The following GALC variants were observed in gnomAD, a reference collection of about 807,000 sequenced individuals.
GALC encodes the protein galactosylceramidase.
A neutral mutation model predicts 91.8 loss-of-function variants in GALC; 77 were observed. That is an observed-to-expected ratio of 0.84 (90% CI 0.70 to 1.01). The LOEUF (loss-of-function observed/expected upper bound fraction) is 1.01. Among genes scored for constraint, GALC ranks in the 50% least tolerant of loss-of-function variants. The pLI, the probability that GALC is intolerant of heterozygous loss-of-function variation, is 0.00. For missense variants in GALC, 882 were observed against 855.9 expected (o/e 1.03, Z -0.38); for synonymous variants, 357 against 306.7 (o/e 1.16, Z -1.71).
chr14:87,986,722 C>T (rs1886992035), intron 3 of GALC, 120 bp from the exon 4 acceptor site: 1 of 690,252 alleles, frequency 1.4e-6, no homozygotes, highest in Non-Finnish European at 2.6e-6. Flanking sequence ...CAGTTCTAAT[C>T]CTGAAGTTGG....
At chr14:87,992,174 A>C (rs1887227647) in intron 1 of GALC, 1 of 942,428 alleles carries the variant, frequency 1.1e-6, no homozygotes, top group Non-Finnish European at 1.6e-6. Flanking sequence ...GCTTGTTCTG[A>C]GTTGAATGTA....
Position 87,941,385 on chromosome 14 carries a change from A to AG in GALC, c.1834+9dup. ...GTCATATGCTATTAAAAAAAAAAAA[A>AG]GTCAGTTACCTAAATCACCTGTAAC... On this transcript the variant is annotated intron_variant, in intron 15 of 16. Transcript: ENST00000261304. The AG allele has an allele frequency of 6.4e-7, 1 of 1,552,122 alleles. No individual in the cohort carries two copies. Among genetic ancestry groups the AG allele is most frequent in the African/African-American group, 1.4e-5 (1 of 73,290 alleles).
At chr14:87,948,050 CTAAG>C (rs556592314) in intron 12 of GALC, among the ~76,000 whole-genome samples, 172 bp from the exon 13 acceptor site, 1 of 151,922 alleles carries the variant, frequency 6.6e-6, no homozygotes, top group Non-Finnish European at 1.5e-5. Flanking sequence ...TCTTTTTTTC[CTAAG>C]TATTTTAGAA....
chr14:87,954,127 G>A, intron 10 of GALC: 1 of 1,608,634 alleles, frequency 6.2e-7, no homozygotes, highest in Non-Finnish European at 8.5e-7. Flanking sequence ...GAATATTCCA[G>A]TGTAGTTAGT....
chr14:87,978,647 C>T (rs1197617581), intron 6 of GALC, among the ~76,000 whole-genome samples: 1 of 151,932 alleles, frequency 6.6e-6, no homozygotes, highest in Non-Finnish European at 1.5e-5. Context: ...TAAATAGAAG[C>T]TCTATTTATA....
intron 1 of GALC, among the ~76,000 whole-genome samples, chr14:87,989,248 T>G (rs1887097275): frequency 6.6e-6 from 1 of 152,202 alleles, no homozygotes; most frequent in African/African-American, 2.4e-5. Flanking sequence ...AACCAGACAG[T>G]CCTAGGTTCA....
chr14:87,936,896 C>CCA (rs1555378200), intron 16 of GALC, among the ~76,000 whole-genome samples: 5 of 3,516 alleles, frequency 1.4e-3, no homozygotes, highest in African/African-American at 1.8e-3. Context: ...ATATCAGGTA[C>CCA]TATATATATA....
chr14:87,953,009 A>G, intron 10 of GALC: 1 of 1,095,798 alleles, frequency 9.1e-7, no homozygotes, highest in African/African-American at 1.5e-5. Flanking sequence ...ACAAATGTGC[A>G]GCTATGTTGG....
chr14:87,971,824 G>A (rs1886304109), intron 7 of GALC, among the ~76,000 whole-genome samples: 1 of 152,116 alleles, frequency 6.6e-6, no homozygotes, highest in Non-Finnish European at 1.5e-5. Context: ...ACAATTTCAG[G>A]AGAAGGTAGC....
At chr14:87,962,833 GGCTTCT>G (rs1885865396) in intron 10 of GALC, among the ~76,000 whole-genome samples, 1 of 151,960 alleles carries the variant, frequency 6.6e-6, no homozygotes, top group African/African-American at 2.4e-5. Context: ...TCTCTCCACT[GGCTTCT>G]GCTTCTGCTT....
At chr14:87,992,494 C>A (rs999782935) in intron 1 of GALC, 6 of 1,532,028 alleles carry the variant, frequency 3.9e-6, no homozygotes, top group Non-Finnish European at 4.4e-6. Flanking sequence ...GACTTAACGA[C>A]TCCACCACCC....
Position 87,984,514 on chromosome 14 carries a change from A to G in GALC, c.462T>C (p.Pro154=), listed in dbSNP as rs748295031. ...ITLIGLPWSF[P]GWLGKGFDWP... is the part of the protein sequence containing the mutation. ...AGTCGAAACCTTTTCCCAGCCATCC[A>G]GGGAATGACCATGGCAACCCTGCAG... The change falls in exon 5 of 17, where the codon CCT becomes CCC. Residue 154 remains proline (P), a synonymous_variant. Transcript: ENST00000261304. 2.5e-5 allele frequency: 40 copies of G among 1,614,074 alleles called. No homozygotes were observed. Among genetic ancestry groups the G allele is most frequent in the Non-Finnish European group, 3.0e-5 (35 of 1,180,032 alleles).
Position 87,934,071 on chromosome 14 carries a change from C to G in GALC, c.*661G>C. ...TTGGAATCAAAAAAATTAAATAATGCAAATAACCCAATTAATCTGCTAATA... is the reference window on the plus strand; with the variant it reads ...TTGGAATCAAAAAAATTAAATAATGGAAATAACCCAATTAATCTGCTAATA... On this transcript the variant is annotated 3_prime_UTR_variant, in exon 17 of 17. Transcript: ENST00000261304. 1 of 1,527,392 alleles carries G rather than the reference C, an allele frequency of 6.5e-7. No individual in the cohort carries two copies. Among genetic ancestry groups the G allele is most frequent in the Admixed American group, 2.0e-5 (1 of 50,792 alleles). The allele number at this position is 1,527,392 out of a possible 1,614,324, so 94.6% of individuals were successfully genotyped here.
intron 10 of GALC, chr14:87,952,496 ATATCCTGTTGAGAACCACCCAGCCTAG>A (rs1369517273): frequency 2.9e-5 from 18 of 624,534 alleles, no homozygotes; most frequent in African/African-American, 2.0e-4. Context: ...ACCCTGCCTA[ATATCCTGTTGAGAACCACCCAGCCTAG>A]TATCCTGTTG....
At position 87,934,653 on chromosome 14, in the gene GALC, T is replaced by A. The variant is rs1280275554; in HGVS notation, c.*79A>T. 6 of 1,608,180 alleles carry A rather than the reference T, an allele frequency of 3.7e-6. No homozygotes were observed. In the African/African-American group the frequency reaches 5.3e-5, roughly 14 times the overall value. On this transcript the variant is annotated 3_prime_UTR_variant, in exon 17 of 17. Coordinates refer to ENST00000261304, the MANE Select transcript of GALC (RefSeq NM_000153.4). ...TCAAAAGCCTCATATACTGTTCCAATGAAACAAGAATTGGCTCTGAACCAA... is the reference window on the plus strand; with the variant it reads ...TCAAAAGCCTCATATACTGTTCCAAAGAAACAAGAATTGGCTCTGAACCAA...
intron 1 of GALC, chr14:87,989,739 C>T (rs1887117451): frequency 6.6e-6 from 1 of 152,212 alleles, no homozygotes; most frequent in South Asian, 2.1e-4. Flanking sequence ...TGTATTCTAT[C>T]TTCCATGCTA....
In GALC at chr14:87,941,385, AGTCAGTTACCT is replaced by A. The variant is rs1595189877; in HGVS notation, c.1833_1834+9del. On this transcript the variant is annotated splice_donor_variant and splice_donor_5th_base_variant and coding_sequence_variant and intron_variant, in exon 15 of 17. Coordinates refer to ENST00000261304, the MANE Select transcript of GALC (RefSeq NM_000153.4). LOFTEE classifies it high-confidence loss of function. The stretch of plus-strand genomic sequence containing the variant: ...GTCATATGCTATTAAAAAAAAAAAA[AGTCAGTTACCT>A]AAATCACCTGTAACCCTGTAAGATC... 1.2e-5 allele frequency: 19 copies of A among 1,552,104 alleles called. No individual in the cohort carries two copies. The highest frequency in any genetic ancestry group is 9.3e-5 in the South Asian group (8 of 86,474).
chr14:87,974,350 A>C (rs1304868368), intron 7 of GALC, among the ~76,000 whole-genome samples: 1 of 152,226 alleles, frequency 6.6e-6, no homozygotes, highest in African/African-American at 2.4e-5. Flanking sequence ...AACGAGACAA[A>C]GAATGGCATT....
intron 12 of GALC, among the ~76,000 whole-genome samples, chr14:87,948,930 A>C (rs780898669): frequency 8.5e-5 from 13 of 152,068 alleles, no homozygotes; most frequent in Non-Finnish European, 1.8e-4. Flanking sequence ...GTTTGGGCCA[A>C]TTCGTTCTTT....
Sources: gnomAD v4.1 joint callset for allele counts (sites outside exome capture counted in the v4.1 genomes callset) on GRCh38, gnomAD v4.1.1 for gene constraint, MANE v1.5 for transcripts, NCBI Gene and HGNC (gene_info 2026-07-23, HGNC 2026-07-21) for gene names.